Variants in CADM2 observed in about 807,000 individuals in gnomAD.
CADM2 encodes cell adhesion molecule 2, also known as immunoglobulin superfamily member 4D.
CADM2 carries 12 observed loss-of-function variants against 49.8 expected under a neutral mutation model. The observed-to-expected ratio is 0.24, with a 90% CI of 0.15 to 0.39. The LOEUF is 0.39. Ranked by LOEUF, CADM2 falls within the 10% of genes least tolerant of loss-of-function variation. The pLI is 1.00. For synonymous variants in CADM2, 214 were observed against 175.4 expected (o/e 1.22, Z -1.74); for missense variants, 378 against 492.3 (o/e 0.77, Z 2.20).
chr3:85,009,780 C>A (rs939879876), intron 1 of CADM2, among the ~76,000 whole-genome samples: 12 of 151,878 alleles, frequency 7.9e-5, no homozygotes, highest in African/African-American at 2.7e-4. Context: ...GCAGGAGAAT[C>A]ACTTGAACCC....
chr3:85,875,173 A>G (rs1711643896), intron 3 of CADM2, among the ~76,000 whole-genome samples: 1 of 152,150 alleles, frequency 6.6e-6, no homozygotes, highest in Non-Finnish European at 1.5e-5. Flanking sequence ...ATGTTGTATG[A>G]CTGTGAAAGA....
intron 1 of CADM2, among the ~76,000 whole-genome samples, chr3:85,602,121 G>A (rs1370949773): frequency 6.6e-6 from 1 of 151,748 alleles, no homozygotes; most frequent in Non-Finnish European, 1.5e-5. Flanking sequence ...ATATAGCAAT[G>A]TAGGTCTGTT....
chr3:85,976,440 T>C (rs941400789), intron 8 of CADM2, among the ~76,000 whole-genome samples: 1 of 151,646 alleles, frequency 6.6e-6, no homozygotes, highest in African/African-American at 2.4e-5. Flanking sequence ...CGTTCAATTT[T>C]AGTTGCTTCC....
rs371936565 is a variant in CADM2, at chr3:85,894,100, A to G, written c.529+7773A>G. 9.9e-5 allele frequency among the ~76,000 whole-genome samples: 15 copies of G among 152,258 alleles called. No individual in the cohort carries two copies. In the East Asian group the frequency reaches 1.2e-3, roughly 12 times the overall value. Reference sequence around the variant, plus strand: ...TAGCAAAGACTTGGAACCAAGCCAAATGTCCAACAATGATAGACTGGATTA... The same window carrying G: ...TAGCAAAGACTTGGAACCAAGCCAAGTGTCCAACAATGATAGACTGGATTA... On this transcript the variant is annotated intron_variant, in intron 5 of 9. Transcript: ENST00000383699.
intron 1 of CADM2, among the ~76,000 whole-genome samples, chr3:84,972,812 A>T (rs2031552539): frequency 6.6e-6 from 1 of 152,248 alleles, no homozygotes; most frequent in East Asian, 1.9e-4. Flanking sequence ...AGATGGAAAG[A>T]GTCTCTGCCC....
At position 85,945,287 on chromosome 3, in the gene CADM2, G is replaced by A. The variant is rs541995689; in HGVS notation, c.791+9430G>A. 5.9e-5 allele frequency among the ~76,000 whole-genome samples: 9 copies of A among 151,846 alleles called. 1 individual carries two copies. The highest frequency in any genetic ancestry group is 2.2e-4 in the African/African-American group (9 of 41,488). ...GCTCTGAAATTGAGGCAATAATTAA[G>A]AGCTTACCAACAAAAAAAAGTCCCA... On this transcript the variant is annotated intron_variant, in intron 7 of 9. Transcript: ENST00000383699.
chr3:85,426,436 T>C (rs1039012173), intron 1 of CADM2, among the ~76,000 whole-genome samples: 4 of 152,146 alleles, frequency 2.6e-5, no homozygotes, highest in African/African-American at 9.7e-5. Context: ...CCAGGCTTTA[T>C]ACTATTTTTT....
At chr3:85,639,846 A>T (rs532350466) in intron 1 of CADM2, among the ~76,000 whole-genome samples, 4 of 151,924 alleles carry the variant, frequency 2.6e-5, no homozygotes, top group Admixed American at 6.6e-5. Flanking sequence ...TGAAATAAAT[A>T]AAAAAAATGA....
chr3:86,030,695 C>T (rs1365607648), intron 8 of CADM2, among the ~76,000 whole-genome samples: 1 of 151,884 alleles, frequency 6.6e-6, no homozygotes, highest in Non-Finnish European at 1.5e-5. Flanking sequence ...AAGGTCAACG[C>T]TATAAGGGTT....
chr3:85,636,702 A>T (rs1045469591), intron 1 of CADM2, among the ~76,000 whole-genome samples: 1 of 152,190 alleles, frequency 6.6e-6, no homozygotes, highest in African/African-American at 2.4e-5. Flanking sequence ...TGTAGCATTT[A>T]AAAACATTTT....
chr3:85,359,666 A>ATATATATATATATATTTTTTTT, intron 1 of CADM2, among the ~76,000 whole-genome samples: 18 of 26,530 alleles, frequency 6.8e-4, no homozygotes, highest in East Asian at 1.3e-3. Context: ...ATATATATAT[A>ATATATATATATATATTTTTTTT]TTTTTTTTTT....
At chr3:85,161,743 T>C (rs1328473246) in intron 1 of CADM2, among the ~76,000 whole-genome samples, 2 of 151,966 alleles carry the variant, frequency 1.3e-5, no homozygotes, top group African/African-American at 4.8e-5. Context: ...CAAGGCTGGG[T>C]GCGGTGACTC....
At chr3:84,983,057 A>G (rs1206578750) in intron 1 of CADM2, among the ~76,000 whole-genome samples, 1 of 151,910 alleles carries the variant, frequency 6.6e-6, no homozygotes, top group East Asian at 1.9e-4. Flanking sequence ...AAGAATATAT[A>G]TTTTTAAATG....
At chr3:85,161,187 A>G (rs1041984650) in intron 1 of CADM2, among the ~76,000 whole-genome samples, 3 of 152,214 alleles carry the variant, frequency 2.0e-5, no homozygotes, top group African/African-American at 7.2e-5. Flanking sequence ...TGATGAAATG[A>G]ATTTTAGTCT....
At chr3:85,881,277 GT>G (rs539633557) in intron 3 of CADM2, among the ~76,000 whole-genome samples, 21 of 151,286 alleles carry the variant, frequency 1.4e-4, no homozygotes, top group African/African-American at 2.9e-4. Flanking sequence ...AAGGTTTTCT[GT>G]TTTTTTTATT....
chr3:85,904,972 A>G (rs542184596), intron 5 of CADM2, among the ~76,000 whole-genome samples: 20 of 152,168 alleles, frequency 1.3e-4, no homozygotes, highest in Non-Finnish European at 2.2e-4. Flanking sequence ...GATAATGTTT[A>G]GTAATGTTAT....
chr3:85,995,865 G>A (rs546811653), intron 8 of CADM2, among the ~76,000 whole-genome samples: 17 of 152,166 alleles, frequency 1.1e-4, no homozygotes, highest in Non-Finnish European at 8.8e-5. Flanking sequence ...CAAGGCGGGT[G>A]GATCACGAGG....
intron 1 of CADM2, among the ~76,000 whole-genome samples, chr3:85,701,958 GTAGA>G (rs1460456650): frequency 2.4e-4 from 34 of 140,926 alleles, no homozygotes; most frequent in South Asian, 6.9e-4. Flanking sequence ...AAAGATAGAT[GTAGA>G]TAGATAGACA....
At chr3:85,312,821 A>G (rs1427647766) in intron 1 of CADM2, among the ~76,000 whole-genome samples, 1 of 152,206 alleles carries the variant, frequency 6.6e-6, no homozygotes, top group Non-Finnish European at 1.5e-5. Context: ...AAACCTCAGG[A>G]CATTATTAAT....
Sources: allele counts gnomAD v4.1 joint callset (sites outside exome capture counted in the v4.1 genomes callset), GRCh38; gene constraint gnomAD v4.1.1; transcripts MANE v1.5; gene names NCBI Gene and HGNC (gene_info 2026-07-23, HGNC 2026-07-21).